The following DPP6 variants were observed in gnomAD, a reference collection of about 807,000 sequenced individuals.
DPP6 encodes dipeptidyl peptidase like 6.
Under a neutral mutation model 122.6 loss-of-function variants are expected in DPP6, and 69 were observed. That is an observed-to-expected ratio of 0.56 (90% CI 0.46 to 0.69). The LOEUF (loss-of-function observed/expected upper bound fraction) is 0.69. Among genes scored for constraint, DPP6 ranks in the 30% least tolerant of loss-of-function variants. The probability of loss-of-function intolerance (pLI) is 0.00; values close to 1 mark genes in which losing one functional copy is unlikely to be tolerated. For missense variants in DPP6, 928 were observed against 1,116.9 expected (o/e 0.83, Z 2.41); for synonymous variants, 418 against 433.1 (o/e 0.97, Z 0.43).
intron 16 of DPP6, among the ~76,000 whole-genome samples, chr7:154,808,388 A>G (rs968143593): frequency 3.3e-5 from 5 of 152,156 alleles, no homozygotes; most frequent in Admixed American, 2.6e-4. Context: ...CGGAGGGATG[A>G]GGGGGGTGCG....
chr7:154,306,739 T>A (rs1452334552), intron 1 of DPP6, among the ~76,000 whole-genome samples: 1 of 152,198 alleles, frequency 6.6e-6, no homozygotes, highest in Non-Finnish European at 1.5e-5. Context: ...AAATGAAGTT[T>A]TATGTCATCT....
At chr7:153,767,679 T>TA in the DPP6 span, among the ~76,000 whole-genome samples, 2 of 151,574 alleles carry the variant, frequency 1.3e-5, no homozygotes, top group Admixed American at 6.6e-5. Flanking sequence ...GTGCCCAGCC[T>TA]AAAAAAAAGT....
chr7:153,960,686 C>T (rs566603676), intron 1 of DPP6, among the ~76,000 whole-genome samples: 45 of 147,920 alleles, frequency 3.0e-4, no homozygotes, highest in African/African-American at 5.9e-4. Context: ...TGTGTACATG[C>T]GTGTGCATGT....
intron 1 of DPP6, among the ~76,000 whole-genome samples, chr7:154,226,941 G>T (rs544825385): frequency 1.3e-5 from 2 of 152,242 alleles, no homozygotes; most frequent in South Asian, 4.2e-4. Context: ...GATCCAGTCA[G>T]ATAATAGATG....
At chr7:154,270,258 G>A (rs1000003431) in intron 1 of DPP6, among the ~76,000 whole-genome samples, 14 of 152,114 alleles carry the variant, frequency 9.2e-5, no homozygotes, top group South Asian at 4.1e-4. Flanking sequence ...AGCATGTGCC[G>A]TAATTGTTAA....
At chr7:154,653,102 G>A (rs1836987555) in intron 6 of DPP6, among the ~76,000 whole-genome samples, 1 of 152,204 alleles carries the variant, frequency 6.6e-6, no homozygotes, top group South Asian at 2.1e-4. Context: ...TTTTTGTTCT[G>A]TAATGGGATT....
chr7:153,961,152 G>A (rs1199057746), intron 1 of DPP6, among the ~76,000 whole-genome samples: 1 of 134,734 alleles, frequency 7.4e-6, no homozygotes, highest in African/African-American at 2.9e-5. Context: ...GAGAGGAGCC[G>A]ATGCCCAGCC....
chr7:153,760,478 C>T, the DPP6 span, among the ~76,000 whole-genome samples: 1 of 152,218 alleles, frequency 6.6e-6, no homozygotes, highest in African/African-American at 2.4e-5. Context: ...TGAATTTTAT[C>T]TTGTACATGC....
At chr7:154,062,108 C>G (rs1419412553) in intron 1 of DPP6, among the ~76,000 whole-genome samples, 5 of 104,284 alleles carry the variant, frequency 4.8e-5, no homozygotes, top group African/African-American at 1.1e-4. Context: ...AGGGGGGACG[C>G]ACCCCCCGCG....
chr7:154,392,461 G>T (rs1045939038), intron 1 of DPP6, among the ~76,000 whole-genome samples: 41 of 152,176 alleles, frequency 2.7e-4, no homozygotes, highest in Non-Finnish European at 7.3e-5. Flanking sequence ...TTTCATGCAG[G>T]TGGAGAGTGG....
chr7:154,882,494 C>T (rs1204688642), intron 21 of DPP6, among the ~76,000 whole-genome samples: 8 of 152,176 alleles, frequency 5.3e-5, no homozygotes, highest in African/African-American at 1.7e-4. Context: ...TGGCATGTTG[C>T]GGCCTGTCCA....
intron 1 of DPP6, chr7:154,058,657 C>T (rs1298798055): frequency 6.6e-6 from 1 of 150,784 alleles, no homozygotes; most frequent in African/African-American, 2.5e-5. Context: ...TCCTTAGGAC[C>T]CACCTGGAGG....
At chr7:153,809,929 C>G in the DPP6 span, among the ~76,000 whole-genome samples, 1 of 151,522 alleles carries the variant, frequency 6.6e-6, no homozygotes, top group African/African-American at 2.4e-5. Flanking sequence ...TATTTTTCAG[C>G]CTATTCTCTC....
At chr7:154,502,513 T>G (rs1314968935) in intron 3 of DPP6, among the ~76,000 whole-genome samples, 1 of 151,900 alleles carries the variant, frequency 6.6e-6, no homozygotes, top group Non-Finnish European at 1.5e-5. Context: ...GATCTGAGGG[T>G]TTTAAAAAGG....
At chr7:154,825,697 G>T (rs754127449) in intron 16 of DPP6, among the ~76,000 whole-genome samples, 2 of 152,214 alleles carry the variant, frequency 1.3e-5, no homozygotes, top group African/African-American at 2.4e-5. Flanking sequence ...TGCCCCAACT[G>T]CCACACTGCT....
At chr7:153,858,373 A>G in the DPP6 span, among the ~76,000 whole-genome samples, 1 of 152,218 alleles carries the variant, frequency 6.6e-6, no homozygotes, top group Non-Finnish European at 1.5e-5. Flanking sequence ...TCAGGGTGTC[A>G]GGTAAAAACA....
chr7:153,881,637 C>T, the DPP6 span, among the ~76,000 whole-genome samples: 4 of 152,200 alleles, frequency 2.6e-5, no homozygotes, highest in Non-Finnish European at 4.4e-5. Flanking sequence ...GCCTTGGCTG[C>T]GACATTCCTG....
chr7:154,041,286 G>C (rs1585216100), intron 1 of DPP6, among the ~76,000 whole-genome samples: 1 of 152,304 alleles, frequency 6.6e-6, no homozygotes, highest in South Asian at 2.1e-4. Flanking sequence ...AAATACAGTG[G>C]TATTTTTCCC....
rs1238135114 is a variant in DPP6, at chr7:154,744,203, G to A, written c.883+16316G>A. 4.6e-5 allele frequency among the ~76,000 whole-genome samples: 7 copies of A among 152,150 alleles called. No individual in the cohort carries two copies. The East Asian group carries it at 1.2e-3, about 25-fold the overall frequency. On this transcript the variant is annotated intron_variant, in intron 8 of 25. Transcript: ENST00000377770. ...CTACTTAAATTTCTCCAGCCACAGA[G>A]AGAAGCATTTATTGTCTCTCACCAC...
Sources: gnomAD v4.1 joint callset for allele counts (sites outside exome capture counted in the v4.1 genomes callset) on GRCh38, gnomAD v4.1.1 for gene constraint, MANE v1.5 for transcripts, NCBI Gene and HGNC (gene_info 2026-07-23, HGNC 2026-07-21) for gene names.